WNK1: variants seen among roughly 807,000 people sequenced by gnomAD.
WNK1 encodes the protein serine/threonine-protein kinase WNK1.
Under a neutral mutation model 222.8 loss-of-function variants are expected in WNK1, and 38 were observed. The observed-to-expected ratio is 0.17, with a 90% CI of 0.13 to 0.22. The LOEUF (loss-of-function observed/expected upper bound fraction) is 0.22, where lower values mean the gene tolerates loss of function less well. Among genes scored for constraint, WNK1 ranks in the 10% least tolerant of loss-of-function variants. The probability of loss-of-function intolerance (pLI) is 1.00; values close to 1 mark genes in which losing one functional copy is unlikely to be tolerated. For synonymous variants in WNK1, 1,090 were observed against 1,092.9 expected (o/e 1.00, Z 0.05); for missense variants, 2,348 against 2,918.4 (o/e 0.80, Z 4.50).
intron 6 of WNK1, among the ~76,000 whole-genome samples, chr12:860,008 G>A (rs915864633): frequency 3.3e-5 from 5 of 151,950 alleles, no homozygotes; most frequent in Non-Finnish European, 5.9e-5. Context: ...GAGCCACTTC[G>A]CCCGGCCAAA....
chr12:778,413 A>G (rs1591653570), intron 1 of WNK1, among the ~76,000 whole-genome samples: 1 of 151,886 alleles, frequency 6.6e-6, no homozygotes, highest in South Asian at 2.1e-4. Context: ...GCTCACTGCA[A>G]CCTCCACCTC....
At position 902,712 on chromosome 12, in the gene WNK1, C is replaced by T. The variant is rs79825667; in HGVS notation, c.6643+2042C>T. On this transcript the variant is annotated intron_variant, in intron 26 of 27. Coordinates refer to ENST00000315939, the MANE Select transcript of WNK1 (RefSeq NM_018979.4). ...GTGAAATGGAGATGATGCCAGTGTC[C>T]TAGGGCCATCGTACAAATCAAGCTA... is the stretch of plus-strand genomic sequence containing the variant. Among the ~76,000 whole-genome samples the T allele has an allele frequency of 8.3e-3, 1,267 of 152,284 alleles. 28 individuals are homozygous for T. The highest frequency in any genetic ancestry group is 0.029 in the African/African-American group (1,204 of 41,550).
intron 1 of WNK1, among the ~76,000 whole-genome samples, chr12:792,490 A>G (rs1944939646): frequency 6.6e-6 from 1 of 150,778 alleles, no homozygotes; most frequent in Non-Finnish European, 1.5e-5. Context: ...ATTTTTTTGT[A>G]CTTTTAGTAG....
At chr12:771,477 A>G (rs557562045) in intron 1 of WNK1, among the ~76,000 whole-genome samples, 7 of 152,022 alleles carry the variant, frequency 4.6e-5, no homozygotes, top group Admixed American at 1.3e-4. Context: ...TTTTTCTAGA[A>G]TAGTTAAATT....
At chr12:764,859 T>G (rs1448376899) in intron 1 of WNK1, among the ~76,000 whole-genome samples, 11 of 147,528 alleles carry the variant, frequency 7.5e-5, no homozygotes, top group Non-Finnish European at 1.7e-4. Context: ...CAGCCTCACG[T>G]GGCTATTTCG....
At chr12:831,039 C>T (rs77848352) in intron 4 of WNK1, among the ~76,000 whole-genome samples, 2,276 of 152,208 alleles carry the variant, frequency 0.015, 56 homozygotes, top group African/African-American at 0.051. Flanking sequence ...GAATTTTCCT[C>T]GTGGTGTCAT....
intron 1 of WNK1, among the ~76,000 whole-genome samples, chr12:779,802 A>C (rs1419915520): frequency 6.6e-6 from 1 of 152,134 alleles, no homozygotes; most frequent in Admixed American, 6.5e-5. Context: ...TTATACTGCA[A>C]GTTTGAGAAA....
intron 8 of WNK1, among the ~76,000 whole-genome samples, chr12:866,888 C>T (rs2154070644): frequency 6.6e-6 from 1 of 152,150 alleles, no homozygotes; most frequent in Admixed American, 6.5e-5. Context: ...CTTTGGGAGG[C>T]CGAAGTGAGC....
At position 900,544 on chromosome 12, in the gene WNK1, A is replaced by G; in HGVS notation, c.6517A>G (p.Ile2173Val). 1.2e-6 allele frequency: 2 copies of G among 1,614,194 alleles called. No individual in the cohort carries two copies. The highest frequency in any genetic ancestry group is 1.1e-5 in the South Asian group (1 of 91,086). Residue 2173 changes from isoleucine (I) to valine (V), a missense_variant, in exon 26 of 28, where the codon ATC becomes GTC. By Grantham distance (29) the Ile-to-Val change is conservative (BLOSUM62 3). Transcript: ENST00000315939. ...PQQTLHPPGN[I>V]PESGQNQLLQ... ...GCAGACCCTCCACCCTCCTGGCAAC[A>G]TCCCAGAGTCCGGGCAGAATCAGCT... is the stretch of plus-strand genomic sequence containing the variant.
chr12:816,838 C>G (rs1350363351), intron 2 of WNK1, among the ~76,000 whole-genome samples: 2 of 151,962 alleles, frequency 1.3e-5, no homozygotes, highest in Non-Finnish European at 2.9e-5. Context: ...GAAAATAGCA[C>G]TGCAACAATT....
intron 6 of WNK1, 118 bp downstream of exon 6, chr12:859,582 G>A: frequency 1.4e-6 from 1 of 708,124 alleles, no homozygotes; most frequent in Non-Finnish European, 2.3e-6. Flanking sequence ...ACATAAAATT[G>A]TGATGGCCCT....
intron 1 of WNK1, among the ~76,000 whole-genome samples, chr12:768,509 T>C (rs1942062060): frequency 6.6e-6 from 1 of 152,076 alleles, no homozygotes; most frequent in South Asian, 2.1e-4. Flanking sequence ...CATAGAGATA[T>C]TTTGCTAGTG....
intron 25 of WNK1, among the ~76,000 whole-genome samples, chr12:899,498 G>A (rs953782257): frequency 3.9e-5 from 6 of 151,990 alleles, no homozygotes; most frequent in Admixed American, 1.3e-4. Context: ...GGCCAGACTG[G>A]TCTGAAACTT....
intron 4 of WNK1, among the ~76,000 whole-genome samples, chr12:836,552 G>C (rs980000046): frequency 2.0e-5 from 3 of 152,188 alleles, no homozygotes; most frequent in African/African-American, 7.2e-5. Context: ...TAAGTGTAAT[G>C]AGGCTCATAT....
intron 1 of WNK1, among the ~76,000 whole-genome samples, chr12:802,816 T>C (rs892652174): frequency 3.9e-5 from 6 of 152,190 alleles, no homozygotes; most frequent in African/African-American, 1.4e-4. Context: ...ATGAGATAGA[T>C]ATTTTTGAAG....
At chr12:903,574 C>T (rs1458933004) in intron 26 of WNK1, among the ~76,000 whole-genome samples, 1 of 152,170 alleles carries the variant, frequency 6.6e-6, no homozygotes, top group Non-Finnish European at 1.5e-5. Flanking sequence ...TAATTAAATT[C>T]CATAAATTCT....
chr12:753,380 G>T lies in WNK1; in HGVS notation c.-186G>T, dbSNP rs1041470744. The T allele has an allele frequency of 1.2e-5, 9 of 741,286 alleles. No individual in the cohort carries two copies. Among genetic ancestry groups the T allele is most frequent in the Non-Finnish European group, 1.9e-5 (9 of 468,796 alleles). 45.9% of individuals were successfully genotyped at this position (741,286 alleles called of 1,614,324 possible). ...AGCAGCCTCGGTGCCAGCCCCCGCCGCAGCTGGGCCCAGCGGTCCGCCTGT... is the reference window on the plus strand; with the variant it reads ...AGCAGCCTCGGTGCCAGCCCCCGCCTCAGCTGGGCCCAGCGGTCCGCCTGT... On this transcript the variant is annotated 5_prime_UTR_variant, in exon 1 of 28. Transcript: ENST00000315939. This position sits in a 1 kb window ranked among gnomAD's most constrained non-coding sequence, Gnocchi z 5.2.
At chr12:840,115 G>A (rs1949508123) in intron 4 of WNK1, among the ~76,000 whole-genome samples, 1 of 151,814 alleles carries the variant, frequency 6.6e-6, no homozygotes, top group African/African-American at 2.4e-5. Flanking sequence ...CATGACATAA[G>A]TATGGTTTTT....
At chr12:811,424 C>T (rs1482116851) in intron 1 of WNK1, among the ~76,000 whole-genome samples, 1 of 151,956 alleles carries the variant, frequency 6.6e-6, no homozygotes, top group African/African-American at 2.4e-5. Context: ...AGCTTTGAAC[C>T]AAATCTTCAT....
Sources: gnomAD v4.1 joint callset for allele counts (sites outside exome capture counted in the v4.1 genomes callset) on GRCh38, gnomAD v4.1.1 for gene constraint, Gnocchi (gnomAD v3.1) non-coding constraint, MANE v1.5 for transcripts, NCBI Gene and HGNC (gene_info 2026-07-23, HGNC 2026-07-21) for gene names.